The following DIAPH2 variants were observed in gnomAD, a reference collection of about 807,000 sequenced individuals.
DIAPH2 encodes the protein protein diaphanous homolog 2.
DIAPH2 carries 35 observed loss-of-function variants against 92.7 expected under a neutral mutation model. The observed-to-expected ratio is 0.38, with a 90% CI of 0.29 to 0.50. DIAPH2 has a LOEUF of 0.50. Ranked by LOEUF, DIAPH2 falls within the 20% of genes least tolerant of loss-of-function variation. The pLI is 0.94. For missense variants in DIAPH2, 701 were observed against 819.5 expected (o/e 0.86, Z 1.77); for synonymous variants, 301 against 280.4 (o/e 1.07, Z -0.73).
intron 15 of DIAPH2, among the ~76,000 whole-genome samples, chrX:96,949,986 C>A (rs932394004): frequency 1.8e-5 from 2 of 111,195 alleles, no homozygotes; most frequent in Admixed American, 1.9e-4. Context: ...CAAAAGTCAC[C>A]AACAAACTCC....
intron 21 of DIAPH2, among the ~76,000 whole-genome samples, chrX:97,119,011 C>T (rs1465533744): frequency 9.0e-6 from 1 of 111,583 alleles, no homozygotes; most frequent in Non-Finnish European, 1.9e-5. Flanking sequence ...TGGTGCCTCC[C>T]TGATTAGCGT....
At chrX:97,329,891 GACACACACACACACACACACAC>G (rs201851023) in intron 23 of DIAPH2, among the ~76,000 whole-genome samples, 4 of 79,483 alleles carry the variant, frequency 5.0e-5, no homozygotes, top group African/African-American at 1.5e-4. Context: ...TGCATTCTTA[GACACACACACACACACACACAC>G]ACACACACAC....
At chrX:96,796,501 C>G (rs2064540807) in intron 4 of DIAPH2, among the ~76,000 whole-genome samples, 1 of 111,981 alleles carries the variant, frequency 8.9e-6, no homozygotes. Context: ...TCTATCCTAT[C>G]TGTCCTTTGT....
chrX:97,571,369 C>T (rs1439294205), intron 26 of DIAPH2, among the ~76,000 whole-genome samples: 4 of 111,386 alleles, frequency 3.6e-5, no homozygotes, highest in South Asian at 3.8e-4. Context: ...TTATGATTAT[C>T]GTCTTTAAAA....
intron 26 of DIAPH2, among the ~76,000 whole-genome samples, chrX:97,519,622 G>T (rs2070976099): frequency 8.9e-6 from 1 of 112,538 alleles, no homozygotes; most frequent in African/African-American, 3.2e-5. Context: ...TTCAACAGAG[G>T]TTACTGTTTC....
intron 5 of DIAPH2, among the ~76,000 whole-genome samples, chrX:96,899,304 A>G (rs1306746896): frequency 9.1e-6 from 1 of 109,717 alleles, no homozygotes; most frequent in East Asian, 2.9e-4. Context: ...TTGAATCTGT[A>G]AATTACCTTG....
intron 15 of DIAPH2, among the ~76,000 whole-genome samples, chrX:96,955,386 T>C (rs934682899): frequency 8.9e-5 from 10 of 111,804 alleles, no homozygotes; most frequent in African/African-American, 3.3e-4. Context: ...CAAGGTGAGA[T>C]TTAGATGGCG....
chrX:96,728,577 A>T (rs1261430477), intron 1 of DIAPH2, among the ~76,000 whole-genome samples: 1 of 112,090 alleles, frequency 8.9e-6, no homozygotes, highest in East Asian at 2.8e-4. Context: ...TTAAACTTCT[A>T]TGTGCCATAA....
rs2071597187 is a variant in DIAPH2, at chrX:97,601,683, T to TTTTC, written c.*2369_*2372dup. ...ACATGAGAAGCACCATTTATGCAGA[T>TTTTC]TTTCTTCAGAATATTTTTAAAAGGT... On this transcript the variant is annotated 3_prime_UTR_variant, in exon 27 of 27. Transcript: ENST00000324765. The TTTTC allele has an allele frequency of 8.9e-6, 1 of 112,301 alleles. No homozygotes were observed. The highest frequency in any genetic ancestry group is 3.2e-5 in the African/African-American group (1 of 30,860). The allele number at this position is 112,301 out of a possible 1,213,427, so 9.3% of individuals were successfully genotyped here. A position where few individuals can be genotyped will look rare whatever the true frequency, so the allele number is the denominator to read the frequency against.
chrX:97,350,146 CTAA>C (rs1482808043), intron 24 of DIAPH2, among the ~76,000 whole-genome samples: 2 of 109,991 alleles, frequency 1.8e-5, no homozygotes, highest in Non-Finnish European at 3.8e-5. Context: ...CCTGTCTCTA[CTAA>C]TAATACAAAA....
At chrX:96,899,088 C>A (rs1047219358) in intron 5 of DIAPH2, among the ~76,000 whole-genome samples, 2 of 110,852 alleles carry the variant, frequency 1.8e-5, no homozygotes, top group African/African-American at 3.3e-5. Context: ...TGATCTATAT[C>A]TCTGTTTTGG....
intron 4 of DIAPH2, among the ~76,000 whole-genome samples, chrX:96,835,755 T>G (rs1204228753): frequency 8.9e-6 from 1 of 111,917 alleles, no homozygotes; most frequent in Non-Finnish European, 1.9e-5. Context: ...TTCTCTGTGT[T>G]GTACATGGGA....
intron 4 of DIAPH2, among the ~76,000 whole-genome samples, chrX:96,860,238 C>T (rs769135873): frequency 7.2e-5 from 8 of 111,796 alleles, no homozygotes; most frequent in African/African-American, 1.9e-4. Flanking sequence ...CAGAAAAATA[C>T]CTGCAAGTTT....
At chrX:97,322,846 A>G (rs1338083788) in intron 23 of DIAPH2, among the ~76,000 whole-genome samples, 1 of 108,277 alleles carries the variant, frequency 9.2e-6, no homozygotes, top group Non-Finnish European at 1.9e-5. Context: ...ACTATGATAT[A>G]TTCCTACAAG....
intron 24 of DIAPH2, among the ~76,000 whole-genome samples, chrX:97,358,588 C>A (rs1864854632): frequency 9.0e-6 from 1 of 111,428 alleles, no homozygotes; most frequent in Non-Finnish European, 1.9e-5. Context: ...TTATATCTAT[C>A]ATATTGATGT....
intron 4 of DIAPH2, among the ~76,000 whole-genome samples, chrX:96,831,735 A>C (rs1321178064): frequency 8.9e-6 from 1 of 112,031 alleles, no homozygotes; most frequent in Non-Finnish European, 1.9e-5. Flanking sequence ...GTGTGAGTGA[A>C]AATAGACTGT....
At chrX:97,593,327 A>G (rs2147887105) in intron 26 of DIAPH2, among the ~76,000 whole-genome samples, 1 of 111,444 alleles carries the variant, frequency 9.0e-6, no homozygotes, top group Admixed American at 9.5e-5. Context: ...AGGAGGTAAC[A>G]TGAATCATTA....
chrX:96,704,773 A>C (rs2063874313), intron 1 of DIAPH2, among the ~76,000 whole-genome samples: 1 of 111,049 alleles, frequency 9.0e-6, no homozygotes, highest in African/African-American at 3.3e-5. Flanking sequence ...TTATCAAGGA[A>C]TTTACAATAT....
At chrX:97,475,259 A>G (rs1292746244) in intron 26 of DIAPH2, among the ~76,000 whole-genome samples, 1 of 112,002 alleles carries the variant, frequency 8.9e-6, no homozygotes, top group African/African-American at 3.2e-5. Context: ...GTAGGGTTAA[A>G]TAAGTAGAAA....
Sources: gnomAD v4.1 joint callset for allele counts (sites outside exome capture counted in the v4.1 genomes callset) on GRCh38, gnomAD v4.1.1 for gene constraint, MANE v1.5 for transcripts, NCBI Gene and HGNC (gene_info 2026-07-23, HGNC 2026-07-21) for gene names.